ATXN7L1: variants seen among roughly 807,000 people sequenced by gnomAD.
The protein encoded by ATXN7L1 is ataxin 7 like 1, also known as ataxin-7-like protein 1.
Under a neutral mutation model 70.8 loss-of-function variants are expected in ATXN7L1, and 15 were observed. The ratio of observed to expected loss-of-function variants is 0.21; its 90% CI spans 0.14 to 0.33. The LOEUF (loss-of-function observed/expected upper bound fraction) is 0.33. Ranked by LOEUF, ATXN7L1 falls within the 10% of genes least tolerant of loss-of-function variation. The pLI is 1.00. For synonymous variants in ATXN7L1, 440 were observed against 445.1 expected, an observed-to-expected ratio of 0.99 and a Z score of 0.14; for missense variants, 975 against 1,097.1, an observed-to-expected ratio of 0.89 and a Z score of 1.57.
At chr7:105,832,951 G>T (rs886797) in intron 2 of ATXN7L1, among the ~76,000 whole-genome samples, 83,983 of 151,950 alleles carry the variant, frequency 0.55, 23,906 homozygotes, top group East Asian at 0.95. Flanking sequence ...TCTGACTTCC[G>T]TGCTTCTACC....
chr7:105,733,059 AT>A (rs1009181547), intron 3 of ATXN7L1, among the ~76,000 whole-genome samples: 2 of 152,098 alleles, frequency 1.3e-5, no homozygotes, highest in Admixed American at 6.6e-5. Context: ...GTACTAACAT[AT>A]TGTCTATTTA....
rs1415089407 is a variant in ATXN7L1 at position 105,642,898 on chromosome 7, T to C, written c.802A>G (p.Ile268Val). 1.9e-6 allele frequency: 3 copies of C among 1,551,732 alleles called. No individual in the cohort carries two copies. Among genetic ancestry groups the C allele is most frequent in the Non-Finnish European group, 2.6e-6 (3 of 1,147,008 alleles). Residue 268 changes from isoleucine to valine, a missense_variant, in exon 5 of 12, where the codon ATA (isoleucine) becomes GTA (valine). Ile to Val is a conservative substitution (Grantham distance 29). Around this residue, in one of 5 missense-constraint regions of ATXN7L1, gnomAD observed 192 missense variants for 215.5 expected, o/e 0.89. Transcript: ENST00000419735. ...GTGCCATTTTGGTGTTTCTTGTCTA[T>C]GGTGGTTGGCAGAATTCCTTTGCCA... is the stretch of plus-strand genomic sequence containing the variant. The part of the protein sequence containing the change: ...LNGKGILPTT[I>V]DKKHQNGTKN...
At chr7:105,617,410 A>C (rs950402129) in intron 9 of ATXN7L1, among the ~76,000 whole-genome samples, 4 of 152,196 alleles carry the variant, frequency 2.6e-5, no homozygotes, top group Admixed American at 1.3e-4. Flanking sequence ...TGACTAGCAG[A>C]GTTGAAGCCC....
intron 11 of ATXN7L1, among the ~76,000 whole-genome samples, chr7:105,609,510 G>A (rs1294424130): frequency 1.3e-5 from 2 of 151,652 alleles, no homozygotes; most frequent in African/African-American, 4.9e-5. Flanking sequence ...CTGTTGCCCA[G>A]GCTGGAGTGC....
intron 2 of ATXN7L1, among the ~76,000 whole-genome samples, chr7:105,871,428 G>A (rs763565693): frequency 4.6e-5 from 7 of 152,134 alleles, no homozygotes; most frequent in Non-Finnish European, 1.0e-4. Context: ...AAAAGTATTT[G>A]GGGCCAGGTG....
intron 3 of ATXN7L1, among the ~76,000 whole-genome samples, chr7:105,764,019 A>G (rs1398682400): frequency 6.6e-6 from 1 of 151,988 alleles, no homozygotes; most frequent in African/African-American, 2.4e-5. Context: ...ATGCCCAGCT[A>G]ATTTTTATAT....
At chr7:105,631,677 G>A (rs977199569) in intron 7 of ATXN7L1, among the ~76,000 whole-genome samples, 2 of 152,218 alleles carry the variant, frequency 1.3e-5, no homozygotes, top group Non-Finnish European at 2.9e-5. Context: ...ATGTTGGCCA[G>A]GCTGGTCTCG....
intron 2 of ATXN7L1, among the ~76,000 whole-genome samples, chr7:105,824,518 C>T (rs971470849): frequency 1.1e-4 from 16 of 151,896 alleles, no homozygotes; most frequent in African/African-American, 3.9e-4. Flanking sequence ...ATCAAGAGCT[C>T]TTGGAAATTA....
rs150091663 is a variant in ATXN7L1 at position 105,633,536 on chromosome 7, G to A, written c.1202+4817C>T. ...AGTTTGAGACCAGCCTGGCCAACAC[G>A]GTGAAACCCCCATCTCTACTAAAAA... On this transcript the variant is annotated intron_variant, in intron 7 of 11. Transcript: ENST00000419735. 4.5e-3 allele frequency among the ~76,000 whole-genome samples: 683 copies of A among 152,162 alleles called. 6 individuals carry two copies. In the East Asian group the frequency reaches 0.05, roughly 11 times the overall value.
In ATXN7L1 at chr7:105,664,398, C is replaced by T. The variant is rs1328514948; in HGVS notation, c.578+668G>A. Among the ~76,000 whole-genome samples, 4 of 150,568 alleles carry T rather than the reference C, an allele frequency of 2.7e-5. No homozygotes were observed. In the South Asian group the frequency reaches 8.4e-4, roughly 31 times the overall value. Reference sequence around the variant, plus strand: ...TCTCAAGAGAATTAAAAAAATCCCCCGTCAGGCATACGGTATATACATGTA... The same window carrying T: ...TCTCAAGAGAATTAAAAAAATCCCCTGTCAGGCATACGGTATATACATGTA... On this transcript the variant is annotated intron_variant, in intron 4 of 11. Transcript: ENST00000419735.
intron 3 of ATXN7L1, among the ~76,000 whole-genome samples, chr7:105,785,066 C>A (rs1804094733): frequency 6.6e-6 from 1 of 152,216 alleles, no homozygotes; most frequent in Non-Finnish European, 1.5e-5. Flanking sequence ...TGCCCAAAAT[C>A]AGACCTCGGG....
chr7:105,742,200 T>C (rs1321031181), intron 3 of ATXN7L1, among the ~76,000 whole-genome samples: 1 of 152,218 alleles, frequency 6.6e-6, no homozygotes, highest in Non-Finnish European at 1.5e-5. Flanking sequence ...TACAGGTGAC[T>C]CTTAACCCGC....
At chr7:105,719,424 G>C (rs1352735147) in intron 3 of ATXN7L1, among the ~76,000 whole-genome samples, 1 of 152,132 alleles carries the variant, frequency 6.6e-6, no homozygotes, top group African/African-American at 2.4e-5. Flanking sequence ...ATAGTGTAAG[G>C]GTTTCCTTAT....
In ATXN7L1 at chr7:105,627,689, G is replaced by A. The variant is rs112283437; in HGVS notation, c.1203-3422C>T. 5.3e-3 allele frequency among the ~76,000 whole-genome samples: 800 copies of A among 151,952 alleles called. 13 individuals are homozygous for A. Among genetic ancestry groups the A allele is most frequent in the Non-Finnish European group, 6.7e-3 (453 of 67,966 alleles). ...TGGGACTACAGGTGTGCGCCAACAT[G>A]CCCAGCTAATTTTTGTATTTTAAGT... On this transcript the variant is annotated intron_variant, in intron 7 of 11. Coordinates refer to ENST00000419735, the MANE Select transcript of ATXN7L1 (RefSeq NM_020725.2).
At chr7:105,796,810 C>T (rs1421988489) in intron 2 of ATXN7L1, among the ~76,000 whole-genome samples, 1 of 152,126 alleles carries the variant, frequency 6.6e-6, no homozygotes, top group African/African-American at 2.4e-5. Flanking sequence ...GATGTTTCTC[C>T]TTTGCTCTGA....
intron 3 of ATXN7L1, among the ~76,000 whole-genome samples, chr7:105,668,743 C>CT (rs1167095449): frequency 1.3e-5 from 2 of 151,842 alleles, no homozygotes; most frequent in African/African-American, 2.4e-5. Flanking sequence ...CTAATTAAAA[C>CT]TTTTTTTTGG....
intron 3 of ATXN7L1, among the ~76,000 whole-genome samples, chr7:105,707,372 G>A (rs1379331447): frequency 6.6e-6 from 1 of 152,160 alleles, no homozygotes; most frequent in Non-Finnish European, 1.5e-5. Context: ...TCAAGGCAGC[G>A]AGGAAGATGG....
intron 3 of ATXN7L1, among the ~76,000 whole-genome samples, chr7:105,692,619 G>A (rs1244897276): frequency 6.6e-6 from 1 of 151,976 alleles, no homozygotes; most frequent in East Asian, 1.9e-4. Context: ...GCTAGTTTTT[G>A]TATTTTTGGT....
intron 3 of ATXN7L1, among the ~76,000 whole-genome samples, chr7:105,681,249 A>T (rs764782024): frequency 6.6e-6 from 1 of 151,988 alleles, no homozygotes; most frequent in African/African-American, 2.4e-5. Context: ...ATATGTTGAA[A>T]CCCCATCTCT....
Sources: gnomAD v4.1 joint callset for allele counts (sites outside exome capture counted in the v4.1 genomes callset) on GRCh38, gnomAD v4.1.1 for gene constraint, gnomAD v4.1.1 regional missense constraint, MANE v1.5 for transcripts, NCBI Gene and HGNC (gene_info 2026-07-23, HGNC 2026-07-21) for gene names.